The following DNAH17 variants were observed in gnomAD, a reference collection of about 807,000 sequenced individuals.
The protein encoded by DNAH17 is axonemal beta dynein heavy chain 17.
A neutral mutation model predicts 485.6 loss-of-function variants in DNAH17; 376 were observed. That is an observed-to-expected ratio of 0.77 (90% CI 0.71 to 0.84). DNAH17 has a LOEUF of 0.84. Among genes scored for constraint, DNAH17 ranks in the 40% least tolerant of loss-of-function variants. DNAH17 has a pLI of 0.00. For synonymous variants in DNAH17, 3,031 were observed against 2,405.9 expected (o/e 1.26, Z -7.60); for missense variants, 6,370 against 5,839.3 (o/e 1.09, Z -2.96).
chr17:78,568,560 T>C (rs74593999), intron 9 of DNAH17, among the ~76,000 whole-genome samples: 3,201 of 152,300 alleles, frequency 0.021, 93 homozygotes, highest in African/African-American at 0.062. Flanking sequence ...CTCTCATCTC[T>C]TCTCTCCAGA....
intron 16 of DNAH17, among the ~76,000 whole-genome samples, chr17:78,546,307 T>C (rs955267877): frequency 2.6e-5 from 4 of 152,264 alleles, no homozygotes; most frequent in African/African-American, 9.6e-5. Context: ...TCAATCATTT[T>C]ATCTTCAACC....
intron 11 of DNAH17, among the ~76,000 whole-genome samples, chr17:78,563,084 G>T (rs529633881): frequency 2.3e-4 from 35 of 152,314 alleles, no homozygotes; most frequent in African/African-American, 8.4e-4. Context: ...ACATGACTGC[G>T]AAGAGAGGGA....
Position 78,544,563 on chromosome 17 carries a change from G to C in DNAH17, c.2392-566C>G, listed in dbSNP as rs2091699616. ...CATGCCTGTAATCCCAGCACTTTGGGAGGCTGAGGCAGGCGGATCACGAGG... is the reference window on the plus strand; with the variant it reads ...CATGCCTGTAATCCCAGCACTTTGGCAGGCTGAGGCAGGCGGATCACGAGG... On this transcript the variant is annotated intron_variant, in intron 16 of 80. Transcript: ENST00000389840. Among the ~76,000 whole-genome samples the C allele has an allele frequency of 2.0e-5, 3 of 152,050 alleles. No individual in the cohort carries two copies. The South Asian group carries it at 6.2e-4, about 31-fold the overall frequency.
chr17:78,491,719 G>T (rs2089866817), intron 42 of DNAH17, 149 bp from the exon 43 acceptor site: 4 of 1,305,276 alleles, frequency 3.1e-6, no homozygotes, highest in East Asian at 5.2e-5. Flanking sequence ...AGGTGCCCAG[G>T]CTCCCTGCCC....
chr17:78,496,814 G>GGCGCCCGCCACC (rs2090091426), intron 37 of DNAH17: 2 of 151,952 alleles, frequency 1.3e-5, no homozygotes, highest in South Asian at 4.2e-4. Flanking sequence ...TGGGACTACA[G>GGCGCCCGCCACC]GCGCCCGCCA....
chr17:78,531,543 T>G (rs901139313), intron 20 of DNAH17, among the ~76,000 whole-genome samples: 1 of 151,932 alleles, frequency 6.6e-6, no homozygotes, highest in Admixed American at 6.6e-5. Flanking sequence ...TTTCACCGTG[T>G]TAGCCAGGAT....
Position 78,561,759 on chromosome 17 carries a change from C to A in DNAH17, c.1791G>T (p.Glu597Asp), listed in dbSNP as rs546130215. Residue 597 changes from glutamate to aspartate, a missense_variant, in exon 12 of 81, where the codon GAG becomes GAT. Physicochemically the swap from Glu to Asp is conservative, Grantham distance 45. Transcript: ENST00000389840. ...GGTGTTTCATGGACACCTCTAGCCT[C>A]TCCTGCAGCTCCAGGCTCCATTTGA... ...GQLKWSLELQ[E>D]RLEVSMKHLK... 4 of 1,612,882 alleles carry A rather than the reference C, an allele frequency of 2.5e-6. No homozygotes were observed. The highest frequency in any genetic ancestry group is 3.4e-6 in the Non-Finnish European group (4 of 1,179,478).
chr17:78,431,899 C>T (rs1011679912), intron 75 of DNAH17, among the ~76,000 whole-genome samples: 4 of 152,044 alleles, frequency 2.6e-5, no homozygotes, highest in African/African-American at 2.4e-5. Flanking sequence ...TGGCCAGGTG[C>T]GGTGGCTCAC....
At chr17:78,565,018 T>TGGAGG (rs1220910755) in intron 11 of DNAH17, among the ~76,000 whole-genome samples, 1 of 152,174 alleles carries the variant, frequency 6.6e-6, no homozygotes, top group African/African-American at 2.4e-5. Flanking sequence ...GCAGGGGATG[T>TGGAGG]CTGATTACCC....
rs368842159 is a variant in DNAH17, at chr17:78,434,123, C to T, written c.12131G>A (p.Gly4044Asp). 3 of 1,613,562 alleles carry T rather than the reference C, an allele frequency of 1.9e-6. No homozygotes were observed. Among genetic ancestry groups the T allele is most frequent in the African/African-American group, 2.7e-5 (2 of 74,926 alleles). Residue 4044 changes from glycine (G) to aspartate (D), a missense_variant, in exon 75 of 81, where the codon GGC becomes GAC. Gly to Asp is a moderately conservative substitution (Grantham distance 94). Transcript: ENST00000389840. ...HAVVAERRKF[G>D]AQGWNRSYPF... ...GTACGACCGGTTCCAGCCCTGGGCG[C>T]CGAACTTGCGCCTCTCTGCCACCAC...
intron 14 of DNAH17, among the ~76,000 whole-genome samples, chr17:78,554,473 G>GCT (rs2091977741): frequency 8.0e-6 from 1 of 124,752 alleles, no homozygotes; most frequent in African/African-American, 3.0e-5. Context: ...AAAAAAAAAG[G>GCT]ATAGGTTCTA....
In DNAH17 at chr17:78,426,961, G is replaced by A. The variant is rs35604481; in HGVS notation, c.12736C>T (p.Arg4246Cys). 7.6e-5 allele frequency: 122 copies of A among 1,609,790 alleles called. No homozygotes were observed. Among genetic ancestry groups the A allele is most frequent in the Admixed American group, 4.0e-4 (24 of 59,398 alleles). ...ERMNILTNEM[R>C]RSLKELNLGL... ...AGGTTCAGCTCCTTGAGCGAACGGC[G>A]CATTTCGTTGGTCAGGATGTTCATT... The change falls in exon 78 of 81, where the codon CGC becomes TGC. Residue 4246 changes from arginine to cysteine, a missense_variant. Coordinates refer to ENST00000389840, the MANE Select transcript of DNAH17 (RefSeq NM_173628.4).
At chr17:78,466,608 T>C (rs2088471853) in intron 56 of DNAH17, 47 bp downstream of exon 56, 1 of 1,543,828 alleles carries the variant, frequency 6.5e-7, no homozygotes. Context: ...GGCCTGTCCT[T>C]GTCCTCTGGG....
At chr17:78,549,350 A>T (rs1458074221) in intron 16 of DNAH17, among the ~76,000 whole-genome samples, 1 of 152,200 alleles carries the variant, frequency 6.6e-6, no homozygotes, top group Non-Finnish European at 1.5e-5. Flanking sequence ...GGCCCTCACC[A>T]GGAACTCAGT....
chr17:78,435,120 G>A (rs1417360928), intron 74 of DNAH17, among the ~76,000 whole-genome samples: 1 of 152,208 alleles, frequency 6.6e-6, no homozygotes. Context: ...GATGGGCCCA[G>A]GAGACTGGCC....
chr17:78,427,533 G>A (rs962149810), intron 77 of DNAH17, among the ~76,000 whole-genome samples: 9 of 152,200 alleles, frequency 5.9e-5, no homozygotes, highest in African/African-American at 1.2e-4. Context: ...CTGCACCACC[G>A]TCTGTCAGCC....
At chr17:78,472,881 G>A (rs1281842460) in intron 54 of DNAH17, 3 of 362,264 alleles carry the variant, frequency 8.3e-6, no homozygotes, top group Non-Finnish European at 1.7e-5. Context: ...TCCTTCCTGT[G>A]TCCTAGAACA....
chr17:78,427,995 G>T (rs549783953), intron 77 of DNAH17, among the ~76,000 whole-genome samples: 11 of 146,518 alleles, frequency 7.5e-5, no homozygotes, highest in Admixed American at 6.8e-4. Flanking sequence ...AAAAGTGGAG[G>T]TACCCAGGAG....
rs1436440221 is a variant in DNAH17, at chr17:78,509,029, C to T, written c.4237-1224G>A. ...TCACCCAGGCTGGACTGCAGTGGCG[C>T]GATCTCAGCTCACTGCAACTTCTCC... On this transcript the variant is annotated intron_variant, in intron 27 of 80. Transcript: ENST00000389840. 6.3e-5 allele frequency among the ~76,000 whole-genome samples: 8 copies of T among 127,208 alleles called. No homozygotes were observed. The East Asian group carries it at 6.5e-4, about 10-fold the overall frequency. 83.5% of individuals were successfully genotyped at this position (127,208 alleles called of 152,430 possible). A position where few individuals can be genotyped will look rare whatever the true frequency, so the allele number is the denominator to read the frequency against.
Sources: allele counts gnomAD v4.1 joint callset (sites outside exome capture counted in the v4.1 genomes callset), GRCh38; gene constraint gnomAD v4.1.1; transcripts MANE v1.5; gene names NCBI Gene and HGNC (gene_info 2026-07-23, HGNC 2026-07-21).